Variants in MARK2 observed in about 807,000 individuals in gnomAD.
MARK2 encodes the protein microtubule affinity regulating kinase 2.
A neutral mutation model predicts 89.8 loss-of-function variants in MARK2; 16 were observed. That is an observed-to-expected ratio of 0.18 (90% CI 0.12 to 0.27). MARK2 has a LOEUF of 0.27. MARK2 is among the 10% of genes least tolerant of loss of function. MARK2 has a pLI of 1.00. For synonymous variants in MARK2, 382 were observed against 399.5 expected, an observed-to-expected ratio of 0.96 and a Z score of 0.52; for missense variants, 621 against 1,049.9, an observed-to-expected ratio of 0.59 and a Z score of 5.65.
intron 1 of MARK2, among the ~76,000 whole-genome samples, chr11:63,839,997 G>T (rs1389208427): frequency 6.6e-6 from 1 of 151,924 alleles, no homozygotes; most frequent in Admixed American, 6.6e-5. Flanking sequence ...CCCTCCGCCC[G>T]CACCGGTTCT....
At position 63,861,053 on chromosome 11, in the gene MARK2, A is replaced by G. The variant is rs374273070; in HGVS notation, c.54+21493A>G. Among the ~76,000 whole-genome samples the G allele has an allele frequency of 3.3e-5, 5 of 152,100 alleles. No individual in the cohort carries two copies. The East Asian group carries it at 5.8e-4, about 18-fold the overall frequency. The stretch of plus-strand genomic sequence containing the variant: ...TTCCACAAAGCGTATTTCTTTTCAG[A>G]TTTACATGTGGCATGCATTTCAGTT... On this transcript the variant is annotated intron_variant, in intron 1 of 18. Transcript: ENST00000402010.
intron 17 of MARK2, among the ~76,000 whole-genome samples, chr11:63,906,595 A>G (rs1171162581): frequency 1.3e-5 from 2 of 151,502 alleles, no homozygotes; most frequent in African/African-American, 4.9e-5. Flanking sequence ...TTACAAGTGC[A>G]TCTGGGATGG....
chr11:63,847,953 A>G (rs1324650990), intron 1 of MARK2, among the ~76,000 whole-genome samples: 2 of 152,138 alleles, frequency 1.3e-5, no homozygotes, highest in African/African-American at 2.4e-5. Flanking sequence ...TCGTCCACGC[A>G]ATGGGACTGT....
chr11:63,872,396 G>A (rs915654265), intron 1 of MARK2, among the ~76,000 whole-genome samples: 11 of 152,282 alleles, frequency 7.2e-5, no homozygotes, highest in African/African-American at 2.6e-4. Flanking sequence ...GCAGGGTCCA[G>A]GTCACAGCCG....
intron 1 of MARK2, among the ~76,000 whole-genome samples, chr11:63,893,872 G>A (rs1000504235): frequency 6.6e-6 from 1 of 152,180 alleles, no homozygotes; most frequent in Admixed American, 6.5e-5. Context: ...ATGTACACAT[G>A]AAAAATAAAT....
chr11:63,873,795 G>A (rs1457406052), intron 1 of MARK2, among the ~76,000 whole-genome samples: 10 of 152,130 alleles, frequency 6.6e-5, no homozygotes, highest in African/African-American at 1.9e-4. Flanking sequence ...GCAGGCATGC[G>A]CCACCACGCC....
At chr11:63,888,657 C>T in intron 1 of MARK2, 6 of 1,171,830 alleles carry the variant, frequency 5.1e-6, no homozygotes, top group East Asian at 6.2e-5. Context: ...GAGAAGCCAG[C>T]GGGGCTTTGT....
intron 1 of MARK2, among the ~76,000 whole-genome samples, chr11:63,877,084 C>G (rs1330976876): frequency 6.8e-6 from 1 of 147,620 alleles, no homozygotes; most frequent in Non-Finnish European, 1.5e-5. Context: ...CTCTTAGAAA[C>G]CAGTTCAATC....
At chr11:63,884,187 C>T (rs990291840) in intron 1 of MARK2, among the ~76,000 whole-genome samples, 29 of 152,164 alleles carry the variant, frequency 1.9e-4, no homozygotes, top group African/African-American at 6.5e-4. Context: ...GCGACCAGAC[C>T]CCAGCAAGCA....
chr11:63,889,086 C>A, intron 1 of MARK2: 1 of 655,390 alleles, frequency 1.5e-6, no homozygotes, highest in Non-Finnish European at 2.4e-6. Flanking sequence ...TAGTAATATT[C>A]ATGGGAAGGG....
rs1159001746 is a variant in MARK2 at position 63,888,459 on chromosome 11, G to T, written c.55-6700G>T. 8.6e-6 allele frequency: 8 copies of T among 931,780 alleles called. No individual in the cohort carries two copies. The South Asian group carries it at 2.4e-4, about 28-fold the overall frequency. 57.7% of individuals were successfully genotyped at this position (931,780 alleles called of 1,614,324 possible). On this transcript the variant is annotated intron_variant, in intron 1 of 18. Transcript: ENST00000402010. ...CAGCTGTTACCCAGCAAAGCACCTT[G>T]GGGAGGGTGGGGCTGCCCACTTCCG...
chr11:63,852,519 T>C (rs2016623094), intron 1 of MARK2, among the ~76,000 whole-genome samples: 1 of 151,988 alleles, frequency 6.6e-6, no homozygotes, highest in Middle Eastern at 3.4e-3. Flanking sequence ...TTCTCTTATA[T>C]GTAAGGGTGG....
intron 16 of MARK2, 136 bp downstream of exon 16, chr11:63,905,179 G>A: frequency 9.9e-7 from 1 of 1,013,234 alleles, no homozygotes; most frequent in Non-Finnish European, 1.4e-6. Flanking sequence ...AGAGGCTTCA[G>A]GAAGCACAAG....
intron 1 of MARK2, among the ~76,000 whole-genome samples, chr11:63,877,237 A>T (rs1489754844): frequency 6.7e-6 from 1 of 148,402 alleles, no homozygotes; most frequent in African/African-American, 2.5e-5. Flanking sequence ...GGGCCTCCTG[A>T]GTACCTGGGA....
At chr11:63,846,279 G>A (rs1028770671) in intron 1 of MARK2, among the ~76,000 whole-genome samples, 1 of 151,958 alleles carries the variant, frequency 6.6e-6, no homozygotes, top group African/African-American at 2.4e-5. Flanking sequence ...CACTTCGGGA[G>A]GCCACGGCAG....
At position 63,899,961 on chromosome 11, in the gene MARK2, G is replaced by A; in HGVS notation, c.619G>A (p.Asp207Asn). 2 of 1,614,196 alleles carry A rather than the reference G, an allele frequency of 1.2e-6. No homozygotes were observed. The highest frequency in any genetic ancestry group is 1.7e-6 in the Non-Finnish European group (2 of 1,180,036). The change falls in exon 8 of 19, where the codon GAC becomes AAC. Residue 207 changes from aspartate to asparagine, a missense_variant. This residue lies in a region of MARK2 where 82 missense variants were observed against 287.7 expected (regional missense o/e 0.29). Transcript: ENST00000402010. ...TGAATTCACCTTTGGGAACAAGCTG[G>A]ACACCTTCTGTGGCAGTCCCCCTTA... ...SNEFTFGNKL[D>N]TFCGSPPYAA...
At chr11:63,887,274 A>T (rs1357007866) in intron 1 of MARK2, among the ~76,000 whole-genome samples, 1 of 152,218 alleles carries the variant, frequency 6.6e-6, no homozygotes, top group Non-Finnish European at 1.5e-5. Context: ...AGAGTGCTGA[A>T]ATGGTGACAA....
At position 63,900,291 on chromosome 11, in the gene MARK2, T is replaced by C. The variant is rs1049713523; in HGVS notation, c.768+181T>C. Among the ~76,000 whole-genome samples the C allele has an allele frequency of 1.3e-4, 20 of 152,294 alleles. No individual in the cohort carries two copies. The highest frequency in any genetic ancestry group is 3.9e-4 in the Admixed American group (6 of 15,306). ...CCTGGGAATGAATAACCTCAGTTCC[T>C]TTCTCGAAAGATGGGATAAACTGTG... is the stretch of plus-strand genomic sequence containing the variant. On this transcript the variant is annotated intron_variant, in intron 8 of 18. Transcript: ENST00000402010. This position sits in a 1 kb window ranked among gnomAD's most constrained non-coding sequence, Gnocchi z 4.7.
Position 63,902,524 on chromosome 11 carries a change from T to C in MARK2, c.1235-77T>C, listed in dbSNP as rs1940982216. The C allele has an allele frequency of 6.8e-7, 1 of 1,467,046 alleles. No individual in the cohort carries two copies. The allele number at this position is 1,467,046 out of a possible 1,614,324, so 90.9% of individuals were successfully genotyped here. A position where few individuals can be genotyped will look rare whatever the true frequency, so the allele number is the denominator to read the frequency against. ...CTTGCTGGGTTGTTGGCCAGCCCTGTAGGAAATGAGCATGCGTGGGGCTGG... is the reference window on the plus strand; with the variant it reads ...CTTGCTGGGTTGTTGGCCAGCCCTGCAGGAAATGAGCATGCGTGGGGCTGG... On this transcript the variant is annotated intron_variant, in intron 12 of 18. Transcript: ENST00000402010. This position sits in a 1 kb window ranked among gnomAD's most constrained non-coding sequence, Gnocchi z 4.2.
Sources: gnomAD v4.1 joint callset for allele counts (sites outside exome capture counted in the v4.1 genomes callset) on GRCh38, gnomAD v4.1.1 for gene constraint, gnomAD v4.1.1 regional missense constraint, Gnocchi (gnomAD v3.1) non-coding constraint, MANE v1.5 for transcripts, NCBI Gene and HGNC (gene_info 2026-07-23, HGNC 2026-07-21) for gene names.